The following DGKI variants were observed in gnomAD, a reference collection of about 807,000 sequenced individuals.
DGKI encodes the protein DAG kinase iota.
In DGKI, 55 loss-of-function variants were observed where a neutral mutation model predicts 147.5. That is an observed-to-expected ratio of 0.37 (90% CI 0.30 to 0.47). The LOEUF is 0.47. DGKI is among the 20% of genes least tolerant of loss of function. DGKI has a pLI of 1.00. For synonymous variants in DGKI, 469 were observed against 477.1 expected (o/e 0.98, Z 0.22); for missense variants, 1,007 against 1,323.8 (o/e 0.76, Z 3.71).
At chr7:137,808,560 C>T (rs1488707246) in intron 1 of DGKI, among the ~76,000 whole-genome samples, 3 of 152,180 alleles carry the variant, frequency 2.0e-5, no homozygotes, top group Non-Finnish European at 2.9e-5. Flanking sequence ...AGGCACCTGC[C>T]TCCCCTAGCC....
intron 29 of DGKI, among the ~76,000 whole-genome samples, chr7:137,411,920 A>G (rs111427874): frequency 1.5e-4 from 23 of 152,324 alleles, no homozygotes; most frequent in African/African-American, 5.5e-4. Context: ...GTCAGCTTCT[A>G]GAGGGCAGGC....
intron 9 of DGKI, 88 bp from the exon 10 acceptor site, chr7:137,609,152 A>G (rs1476490939): frequency 1.0e-6 from 1 of 983,974 alleles, no homozygotes; most frequent in Non-Finnish European, 1.6e-6. Flanking sequence ...CCACCCAATA[A>G]TACATTTTGT....
intron 3 of DGKI, among the ~76,000 whole-genome samples, chr7:137,678,173 C>T (rs1462843633): frequency 6.6e-6 from 1 of 152,132 alleles, no homozygotes; most frequent in Non-Finnish European, 1.5e-5. Flanking sequence ...CCCACTGTGG[C>T]CACTTCCCTA....
chr7:137,571,663 G>C (rs188569730), intron 18 of DGKI, among the ~76,000 whole-genome samples: 1 of 152,314 alleles, frequency 6.6e-6, no homozygotes, highest in East Asian at 1.9e-4. Flanking sequence ...GGGAAATGAA[G>C]TGGGAAGCAT....
At chr7:137,807,415 C>G (rs765366248) in intron 1 of DGKI, among the ~76,000 whole-genome samples, 2 of 152,204 alleles carry the variant, frequency 1.3e-5, no homozygotes, top group Admixed American at 6.5e-5. Flanking sequence ...CATTTATGCA[C>G]GAGCTACCTC....
chr7:137,530,341 G>A (rs834086), intron 20 of DGKI, among the ~76,000 whole-genome samples: 14,713 of 152,068 alleles, frequency 0.097, 1,545 homozygotes, highest in African/African-American at 0.26. Flanking sequence ...CTCTGCTGCA[G>A]TTTATCCTCC....
intron 12 of DGKI, among the ~76,000 whole-genome samples, chr7:137,594,272 C>T (rs1819713785): frequency 6.6e-6 from 1 of 152,136 alleles, no homozygotes. Flanking sequence ...ATCTCAAACT[C>T]CTGACCTCAA....
rs60654879 is a variant in DGKI, at chr7:137,617,124, CAAAAAA to C, written c.993+2694_993+2699del. On this transcript the variant is annotated intron_variant, in intron 8 of 32. Coordinates refer to ENST00000614521, the MANE Select transcript of DGKI (RefSeq NM_001321708.2). ...TGTACTGCCAGTGTATCCCTTTTAC[CAAAAAA>C]AAAAAAAAAAAAAAAAAAAAAAATT... Among the ~76,000 whole-genome samples the C allele has an allele frequency of 3.1e-4, 15 of 48,132 alleles. No homozygotes were observed. In the South Asian group the frequency reaches 7.4e-3, roughly 24 times the overall value. 31.6% of individuals were successfully genotyped at this position (48,132 alleles called of 152,430 possible).
chr7:137,814,242 T>C (rs1231389579), intron 1 of DGKI, among the ~76,000 whole-genome samples: 3 of 152,026 alleles, frequency 2.0e-5, no homozygotes, highest in Admixed American at 6.6e-5. Flanking sequence ...GGCTCTCCAT[T>C]TAAGAGTTAA....
Position 137,724,337 on chromosome 7 carries a change from T to C in DGKI, c.402-34335A>G, listed in dbSNP as rs1372667890. 3.3e-5 allele frequency among the ~76,000 whole-genome samples: 5 copies of C among 152,178 alleles called. No individual in the cohort carries two copies. In the East Asian group the frequency reaches 5.8e-4, roughly 18 times the overall value. ...CAACATAAGTTTTTGAGCCAGGAAA[T>C]GATATGAACATCTTTATGTTTTCAA... is the stretch of plus-strand genomic sequence containing the variant. On this transcript the variant is annotated intron_variant, in intron 1 of 32. Coordinates refer to ENST00000614521, the MANE Select transcript of DGKI (RefSeq NM_001321708.2).
intron 1 of DGKI, among the ~76,000 whole-genome samples, chr7:137,748,354 A>C (rs1332212209): frequency 1.4e-5 from 2 of 144,530 alleles, no homozygotes; most frequent in African/African-American, 5.0e-5. Flanking sequence ...GTGGTTAAAG[A>C]AAAAAAAAAA....
rs1166329879 is a variant in DGKI, at chr7:137,515,675, C to T, written c.2248+6191G>A. On this transcript the variant is annotated intron_variant, in intron 21 of 32. Transcript: ENST00000614521. ...GTATTCAAAATGTCAGCCCCTTAGACTGTCTGAGTTTTCTGTGCCTCAATT... is the reference window on the plus strand; with the variant it reads ...GTATTCAAAATGTCAGCCCCTTAGATTGTCTGAGTTTTCTGTGCCTCAATT... Among the ~76,000 whole-genome samples, 5 of 150,228 alleles carry T rather than the reference C, an allele frequency of 3.3e-5. No individual in the cohort carries two copies. In the East Asian group the frequency reaches 9.6e-4, roughly 29 times the overall value.
intron 20 of DGKI, among the ~76,000 whole-genome samples, chr7:137,542,486 A>G (rs1269825412): frequency 6.6e-6 from 1 of 152,254 alleles, no homozygotes; most frequent in African/African-American, 2.4e-5. Context: ...TTAAAGGTGT[A>G]GTGTTCAGTC....
At chr7:137,812,940 C>T (rs775154186) in intron 1 of DGKI, among the ~76,000 whole-genome samples, 1 of 152,048 alleles carries the variant, frequency 6.6e-6, no homozygotes, top group Non-Finnish European at 1.5e-5. Context: ...CACAATGCAC[C>T]GAAGTACAGA....
intron 1 of DGKI, among the ~76,000 whole-genome samples, chr7:137,831,584 G>A (rs370868365): frequency 1.3e-5 from 2 of 152,142 alleles, no homozygotes; most frequent in African/African-American, 4.8e-5. Flanking sequence ...ACCTCCCATC[G>A]GGCTCATTCC....
chr7:137,471,913 T>G lies in DGKI; in HGVS notation c.2374-2294A>C, dbSNP rs1272039177. Among the ~76,000 whole-genome samples, 2 of 143,886 alleles carry G rather than the reference T, an allele frequency of 1.4e-5. 1 individual carries two copies. The highest frequency in any genetic ancestry group is 3.0e-5 in the Non-Finnish European group (2 of 66,554). 94.4% of individuals were successfully genotyped at this position (143,886 alleles called of 152,430 possible). A position where few individuals can be genotyped will look rare whatever the true frequency, so the allele number is the denominator to read the frequency against. ...GTTACATATAGTCTCTCTCTTGCTC[T>G]CTATATGTATATATGTATATATAAT... On this transcript the variant is annotated intron_variant, in intron 23 of 32. Transcript: ENST00000614521.
intron 19 of DGKI, among the ~76,000 whole-genome samples, chr7:137,555,393 G>T (rs1019368744): frequency 6.6e-6 from 1 of 151,978 alleles, no homozygotes; most frequent in Non-Finnish European, 1.5e-5. Flanking sequence ...GAGGACGGTG[G>T]TGCATGCCTG....
chr7:137,500,622 T>C (rs1014188718), intron 21 of DGKI, among the ~76,000 whole-genome samples: 3 of 152,126 alleles, frequency 2.0e-5, no homozygotes, highest in Non-Finnish European at 2.9e-5. Context: ...AACAGCCAGA[T>C]AATAAATCAA....
chr7:137,501,090 G>T (rs1232806193), intron 21 of DGKI, among the ~76,000 whole-genome samples: 1 of 151,744 alleles, frequency 6.6e-6, no homozygotes, highest in Non-Finnish European at 1.5e-5. Context: ...GACTTTTTTA[G>T]CCCCTAGATA....
Sources: gnomAD v4.1 joint callset for allele counts (sites outside exome capture counted in the v4.1 genomes callset) on GRCh38, gnomAD v4.1.1 for gene constraint, MANE v1.5 for transcripts, NCBI Gene and HGNC (gene_info 2026-07-23, HGNC 2026-07-21) for gene names.